Variants in COL6A5 observed in about 807,000 individuals in gnomAD.
COL6A5 encodes the protein collagen alpha-5(VI) chain.
A neutral mutation model predicts 65.6 loss-of-function variants in COL6A5; 48 were observed. The ratio of observed to expected loss-of-function variants is 0.73; its 90% CI spans 0.58 to 0.93. COL6A5 has a LOEUF of 0.93. Among genes scored for constraint, COL6A5 ranks in the 40% least tolerant of loss-of-function variants. The probability of loss-of-function intolerance (pLI) is 0.00; values close to 1 mark genes in which losing one functional copy is unlikely to be tolerated. For synonymous variants in COL6A5, 291 were observed against 322.8 expected (o/e 0.90, Z 1.05); for missense variants, 914 against 928.3 (o/e 0.98, Z 0.20).
At chr3:130,439,053 T>C (rs931142217) in intron 1 of COL6A5, among the ~76,000 whole-genome samples, 1 of 152,064 alleles carries the variant, frequency 6.6e-6, no homozygotes, top group African/African-American at 2.4e-5. Flanking sequence ...GGACTGGAAA[T>C]AGTTGGGATC....
rs186101293 is a variant in COL6A5 at position 130,484,190 on chromosome 3, T to C, written c.*149T>C. 178 of 725,230 alleles carry C rather than the reference T, an allele frequency of 2.5e-4. No individual in the cohort carries two copies. The African/African-American group carries it at 2.8e-3, about 11-fold the overall frequency. The allele number at this position is 725,230 out of a possible 1,614,324, so 44.9% of individuals were successfully genotyped here. ...CAAAAACAATTGGCTAATAGCATGC[T>C]AAATTTGTTCTCCATCTCAAATCTT... On this transcript the variant is annotated 3_prime_UTR_variant, in exon 8 of 8. Transcript: ENST00000512836.
chr3:130,414,266 TGG>T, intron 22 of COL6A5, 135 bp downstream of exon 22: 1 of 698,190 alleles, frequency 1.4e-6, no homozygotes, highest in South Asian at 1.8e-5. Flanking sequence ...TATCATGGGG[TGG>T]GGGGTGATTT....
chr3:130,455,661 C>T lies in COL6A5; in HGVS notation c.1541C>T (p.Thr514Ile), dbSNP rs768236531. 3.1e-6 allele frequency: 5 copies of T among 1,606,960 alleles called. No homozygotes were observed. In the African/African-American group the frequency reaches 6.7e-5, roughly 21 times the overall value. Residue 514 changes from threonine to isoleucine, a missense_variant, in exon 5 of 8, where the codon ACT (threonine) becomes ATT (isoleucine). By Grantham distance (89) the Thr-to-Ile change is moderately conservative. Transcript: ENST00000512836. ...AAATCTGCAGAAATTGCAAGTCTCA[C>T]TTCTGGTAAGAAAATGAAAAGTCAT...
intron 4 of COL6A5, among the ~76,000 whole-genome samples, chr3:130,449,977 C>T (rs774631580): frequency 6.6e-6 from 1 of 152,076 alleles, no homozygotes; most frequent in Non-Finnish European, 1.5e-5. Context: ...CAATCAAAGG[C>T]AAAGAATCAG....
chr3:130,453,301 T>C (rs1486458129), intron 4 of COL6A5, among the ~76,000 whole-genome samples: 1 of 152,156 alleles, frequency 6.6e-6, no homozygotes, highest in East Asian at 1.9e-4. Context: ...ATAAAAGTAT[T>C]AATTTGGGGA....
At chr3:130,369,917 C>G (rs1457991849) in intron 1 of COL6A5, among the ~76,000 whole-genome samples, 1 of 152,134 alleles carries the variant, frequency 6.6e-6, no homozygotes, top group Non-Finnish European at 1.5e-5. Context: ...AGATGTGATA[C>G]TAACTTTGAA....
chr3:130,351,978 T>TA (rs1322680418), intron 1 of COL6A5, among the ~76,000 whole-genome samples: 1 of 151,990 alleles, frequency 6.6e-6, no homozygotes. Flanking sequence ...TATGCAGCCA[T>TA]AAAAAAGGAT....
intron 22 of COL6A5, among the ~76,000 whole-genome samples, chr3:130,414,659 C>T (rs1485361954): frequency 6.6e-6 from 1 of 152,034 alleles, no homozygotes; most frequent in African/African-American, 2.4e-5. Context: ...TCTTACTTCC[C>T]TCTGTGACAG....
chr3:130,480,481 T>C (rs1710209565), intron 7 of COL6A5, among the ~76,000 whole-genome samples: 1 of 152,018 alleles, frequency 6.6e-6, no homozygotes, highest in African/African-American at 2.4e-5. Context: ...GAAATACAAA[T>C]TTAAGGAGAG....
chr3:130,362,272 T>TCTCTCTCTCTCTC (rs1553744426), intron 1 of COL6A5, among the ~76,000 whole-genome samples: 2 of 14,626 alleles, frequency 1.4e-4, no homozygotes, highest in South Asian at 1.9e-3. Flanking sequence ...CTCTCTCTCT[T>TCTCTCTCTCTCTC]TGTCTCTGTC....
chr3:130,430,769 G>T (rs936067898), upstream of COL6A5, among the ~76,000 whole-genome samples: 3 of 152,064 alleles, frequency 2.0e-5, no homozygotes, highest in Non-Finnish European at 4.4e-5. Flanking sequence ...CCCCTTTTTG[G>T]AAACAGCCTC....
intron 2 of COL6A5, among the ~76,000 whole-genome samples, chr3:130,374,599 G>T (rs1460063308): frequency 1.3e-5 from 2 of 151,982 alleles, no homozygotes; most frequent in African/African-American, 2.4e-5. Context: ...GACTACAAGT[G>T]CATGCCCCCA....
intron 14 of COL6A5, 102 bp downstream of exon 14, chr3:130,405,761 C>T: frequency 9.8e-7 from 1 of 1,018,038 alleles, no homozygotes; most frequent in Non-Finnish European, 1.5e-6. Flanking sequence ...CATCACTCCT[C>T]TCTCTTTTCC....
At chr3:130,352,479 C>A (rs537541847) in intron 1 of COL6A5, among the ~76,000 whole-genome samples, 38 of 152,100 alleles carry the variant, frequency 2.5e-4, no homozygotes, top group African/African-American at 8.4e-4. Flanking sequence ...ATAATGATCT[C>A]TCTATCTAGA....
chr3:130,438,423 G>C (rs1449259309), intron 1 of COL6A5, among the ~76,000 whole-genome samples: 1 of 151,950 alleles, frequency 6.6e-6, no homozygotes, highest in Non-Finnish European at 1.5e-5. Flanking sequence ...ATGAATGAAT[G>C]AATGAAGAGC....
chr3:130,346,009 C>A (rs955466458), intron 1 of COL6A5, 28 bp downstream of exon 1: 38 of 398,670 alleles, frequency 9.5e-5, no homozygotes, highest in African/African-American at 6.0e-4. Context: ...GGACTTGGGG[C>A]CTGAGGCAGG....
At chr3:130,482,807 A>G (rs959422562) in intron 7 of COL6A5, among the ~76,000 whole-genome samples, 25 of 152,110 alleles carry the variant, frequency 1.6e-4, no homozygotes, top group Non-Finnish European at 8.8e-5. Context: ...CTTTGTAGCA[A>G]TCGTGAATGT....
intron 22 of COL6A5, 75 bp from the exon 23 acceptor site, chr3:130,415,570 G>C: frequency 7.5e-7 from 1 of 1,329,198 alleles, no homozygotes; most frequent in Admixed American, 2.1e-5. Context: ...TTTCTGCAGG[G>C]TGTTTCAAAA....
At chr3:130,429,223 A>G (rs1159266500), upstream of COL6A5, among the ~76,000 whole-genome samples, 4 of 152,224 alleles carry the variant, frequency 2.6e-5, no homozygotes, top group East Asian at 7.7e-4. Context: ...TCAGAAGGCT[A>G]TAAGATGAGG....
Sources: allele counts gnomAD v4.1 joint callset (sites outside exome capture counted in the v4.1 genomes callset), GRCh38; gene constraint gnomAD v4.1.1; transcripts MANE v1.5; gene names NCBI Gene and HGNC (gene_info 2026-07-23, HGNC 2026-07-21).